Variants in DLGAP4 observed in about 807,000 individuals in gnomAD.
DLGAP4 encodes DLG associated protein 4.
In DLGAP4, 18 loss-of-function variants were observed where a neutral mutation model predicts 86.9. The observed-to-expected ratio is 0.21, with a 90% CI of 0.14 to 0.31. DLGAP4 has a LOEUF of 0.31. Ranked by LOEUF, DLGAP4 falls within the 10% of genes least tolerant of loss-of-function variation. The pLI, the probability that DLGAP4 is intolerant of heterozygous loss-of-function variation, is 1.00. For missense variants in DLGAP4, 1,085 were observed against 1,362.6 expected, an observed-to-expected ratio of 0.80 and a Z score of 3.21; for synonymous variants, 548 against 574.3, an observed-to-expected ratio of 0.95 and a Z score of 0.65.
At chr20:36,331,843 T>C (rs782629126) in intron 1 of DLGAP4, among the ~76,000 whole-genome samples, 16 of 151,994 alleles carry the variant, frequency 1.1e-4, no homozygotes, top group African/African-American at 3.9e-4. Flanking sequence ...GAGGTGACAT[T>C]TGAGCTGAGA....
chr20:36,436,798 T>C (rs978486416), intron 4 of DLGAP4, among the ~76,000 whole-genome samples: 8 of 144,974 alleles, frequency 5.5e-5, no homozygotes, highest in African/African-American at 2.1e-4. Context: ...CCTGGGCGAC[T>C]GAGCGAGACT....
At chr20:36,396,485 C>A (rs1477932019) in intron 2 of DLGAP4, among the ~76,000 whole-genome samples, 10 of 145,316 alleles carry the variant, frequency 6.9e-5, no homozygotes, top group Admixed American at 6.9e-4. Context: ...ATCACACACA[C>A]CACACACATG....
At chr20:36,429,689 G>A (rs1260717145) in intron 2 of DLGAP4, among the ~76,000 whole-genome samples, 1 of 152,088 alleles carries the variant, frequency 6.6e-6, no homozygotes, top group East Asian at 1.9e-4. Flanking sequence ...TTACAGGTGT[G>A]AGCCACCATG....
intron 2 of DLGAP4, among the ~76,000 whole-genome samples, chr20:36,422,009 G>T (rs1316951340): frequency 6.6e-6 from 1 of 152,138 alleles, no homozygotes; most frequent in Admixed American, 6.5e-5. Context: ...TCAGAGGAGA[G>T]AAGCCAGCAA....
At chr20:36,486,667 G>A (rs770319878) in intron 7 of DLGAP4, among the ~76,000 whole-genome samples, 2 of 150,624 alleles carry the variant, frequency 1.3e-5, no homozygotes, top group Non-Finnish European at 3.0e-5. Flanking sequence ...CTGGAGTGTA[G>A]TGGCGCAATC....
chr20:36,509,511 C>T (rs983198446), intron 10 of DLGAP4, among the ~76,000 whole-genome samples: 1 of 151,672 alleles, frequency 6.6e-6, no homozygotes, highest in South Asian at 2.1e-4. Context: ...GCAGAGGTTG[C>T]ACTGAGCCGA....
At chr20:36,356,026 A>C (rs2147395687) in intron 1 of DLGAP4, among the ~76,000 whole-genome samples, 1 of 152,354 alleles carries the variant, frequency 6.6e-6, no homozygotes, top group East Asian at 1.9e-4. Flanking sequence ...CAAGTGAGAT[A>C]GGCCAGTCCA....
At chr20:36,425,208 A>G (rs778023849) in intron 2 of DLGAP4, among the ~76,000 whole-genome samples, 12 of 152,224 alleles carry the variant, frequency 7.9e-5, no homozygotes, top group Non-Finnish European at 1.6e-4. Context: ...GAATATATAC[A>G]AAGAATTCCT....
chr20:36,334,329 G>A (rs527663825), intron 1 of DLGAP4, among the ~76,000 whole-genome samples: 1 of 152,138 alleles, frequency 6.6e-6, no homozygotes, highest in African/African-American at 2.4e-5. Flanking sequence ...TGGTCAGGGA[G>A]GTGTCTGACC....
intron 2 of DLGAP4, among the ~76,000 whole-genome samples, chr20:36,388,406 CA>C (rs1459392900): frequency 5.3e-5 from 8 of 152,188 alleles, no homozygotes; most frequent in Admixed American, 5.2e-4. Flanking sequence ...ACTTCCTCCC[CA>C]GCTCCTGGAG....
chr20:36,325,542 T>C (rs1270379423), intron 1 of DLGAP4, among the ~76,000 whole-genome samples: 2 of 152,202 alleles, frequency 1.3e-5, no homozygotes, highest in East Asian at 1.9e-4. Flanking sequence ...GAGAGAGCTA[T>C]AGACATCTCT....
intron 7 of DLGAP4, among the ~76,000 whole-genome samples, chr20:36,464,634 G>T (rs144958057): frequency 6.6e-6 from 1 of 152,140 alleles, no homozygotes; most frequent in Non-Finnish European, 1.5e-5. Context: ...CAGATCACTG[G>T]AGGTCAGGGG....
chr20:36,397,038 A>C (rs1446077507), intron 2 of DLGAP4, among the ~76,000 whole-genome samples: 1 of 152,160 alleles, frequency 6.6e-6, no homozygotes, highest in African/African-American at 2.4e-5. Flanking sequence ...CTTAGATTTG[A>C]GACATGATTA....
At chr20:36,379,701 C>T (rs2031300658) in intron 2 of DLGAP4, among the ~76,000 whole-genome samples, 2 of 152,176 alleles carry the variant, frequency 1.3e-5, no homozygotes, top group Non-Finnish European at 2.9e-5. Context: ...TGAGCACAGG[C>T]TTCGGCATTC....
chr20:36,467,137 C>G (rs2034451318), intron 7 of DLGAP4, among the ~76,000 whole-genome samples: 1 of 150,644 alleles, frequency 6.6e-6, no homozygotes, highest in Non-Finnish European at 1.5e-5. Context: ...AATAGACAGA[C>G]AAGGCGTCTC....
intron 2 of DLGAP4, among the ~76,000 whole-genome samples, chr20:36,382,967 AG>A (rs34234490): frequency 6.6e-6 from 1 of 152,186 alleles, no homozygotes; most frequent in African/African-American, 2.4e-5. Flanking sequence ...CTTGTTGGGA[AG>A]GGGGAATGTT....
chr20:36,329,638 T>C (rs1255498519), intron 1 of DLGAP4, among the ~76,000 whole-genome samples: 2 of 152,240 alleles, frequency 1.3e-5, no homozygotes. Context: ...GGCTCATGCC[T>C]GTAATCCCAG....
intron 7 of DLGAP4, among the ~76,000 whole-genome samples, chr20:36,463,076 C>T (rs2034174234): frequency 6.6e-6 from 1 of 151,960 alleles, no homozygotes; most frequent in Admixed American, 6.5e-5. Context: ...TGCAGAACAC[C>T]AGAGTGGGCA....
intron 11 of DLGAP4, among the ~76,000 whole-genome samples, chr20:36,525,336 C>G (rs1161720602): frequency 6.8e-6 from 1 of 147,582 alleles, no homozygotes; most frequent in Non-Finnish European, 1.5e-5. Flanking sequence ...CTGCCAGGGT[C>G]AAAAGCAAAG....
Sources: allele counts gnomAD v4.1 joint callset (sites outside exome capture counted in the v4.1 genomes callset), GRCh38; gene constraint gnomAD v4.1.1; transcripts MANE v1.5; gene names NCBI Gene and HGNC (gene_info 2026-07-23, HGNC 2026-07-21).